The following ACTR3C variants were observed in gnomAD, a reference collection of about 807,000 sequenced individuals.
The protein encoded by ACTR3C is actin related protein 3C, also known as actin-related protein 3C.
ACTR3C carries 18 observed loss-of-function variants against 26.3 expected under a neutral mutation model. The ratio of observed to expected loss-of-function variants is 0.68; its 90% CI spans 0.47 to 1.01. The LOEUF (loss-of-function observed/expected upper bound fraction) is 1.01. Among genes scored for constraint, ACTR3C ranks in the 50% least tolerant of loss-of-function variants. ACTR3C has a pLI of 0.00. For missense variants in ACTR3C, 184 were observed against 250.7 expected (o/e 0.73, Z 1.80); for synonymous variants, 55 against 94.5 (o/e 0.58, Z 2.42).
At chr7:150,118,951 A>G in the ACTR3C span, among the ~76,000 whole-genome samples, 1 of 151,616 alleles carries the variant, frequency 6.6e-6, no homozygotes, top group Non-Finnish European at 1.5e-5. Flanking sequence ...AAAAAAAAAA[A>G]AAAACTCAAC....
chr7:150,003,534 G>A, the ACTR3C span, among the ~76,000 whole-genome samples: 1 of 151,726 alleles, frequency 6.6e-6, no homozygotes. Flanking sequence ...TGTGGTATGT[G>A]GTATGTGCTG....
chr7:150,041,626 C>CG, the ACTR3C span, among the ~76,000 whole-genome samples: 3 of 84,918 alleles, frequency 3.5e-5, no homozygotes, highest in South Asian at 4.0e-4. Context: ...CCCTGCCTCG[C>CG]GGGGGGTGCC....
the ACTR3C span, among the ~76,000 whole-genome samples, chr7:149,989,991 C>T: frequency 6.6e-6 from 1 of 152,082 alleles, no homozygotes; most frequent in Admixed American, 6.6e-5. Context: ...TCTGCACTCC[C>T]CTGCTTGAAA....
chr7:150,298,872 G>A (rs1795164179), intron 1 of ACTR3C, among the ~76,000 whole-genome samples: 1 of 148,258 alleles, frequency 6.7e-6, no homozygotes, highest in African/African-American at 2.5e-5. Flanking sequence ...ACTCTATGAA[G>A]AAACAATCTC....
Position 150,293,396 on chromosome 7 carries a change from A to G in ACTR3C, c.69T>C (p.Ser23=), listed in dbSNP as rs2129613229. Residue 23 remains serine, a synonymous_variant, in exon 3 of 8, where the codon TCT becomes TCC. Transcript: ENST00000683684. ...AVQAVLALAA[S]WTSRQVGERT... ...GTTCACCCACTTGTCGAGATGTCCA[A>G]GATGCCGCCAAGGCCAGCACTGCCT... 2 of 1,602,342 alleles carry G rather than the reference A, an allele frequency of 1.2e-6. No homozygotes were observed. Among genetic ancestry groups the G allele is most frequent in the South Asian group, 2.3e-5 (2 of 88,832 alleles).
At chr7:150,217,228 A>G in the ACTR3C span, among the ~76,000 whole-genome samples, 1 of 150,668 alleles carries the variant, frequency 6.6e-6, no homozygotes, top group Non-Finnish European at 1.5e-5. Context: ...TAAGCAACTT[A>G]TCCAAAATGA....
At chr7:150,111,567 GAC>G in the ACTR3C span, among the ~76,000 whole-genome samples, 7 of 86,354 alleles carry the variant, frequency 8.1e-5, 1 homozygote, top group Admixed American at 8.3e-4. Flanking sequence ...CACTCACAGT[GAC>G]ACACACTGTG....
the ACTR3C span, among the ~76,000 whole-genome samples, chr7:149,926,692 G>A: frequency 6.6e-6 from 1 of 152,050 alleles, no homozygotes. Context: ...CTTTTCCCTT[G>A]GCTGTTTTTG....
chr7:150,264,292 G>A (rs1359672585), intron 6 of ACTR3C, among the ~76,000 whole-genome samples: 1 of 152,224 alleles, frequency 6.6e-6, no homozygotes, highest in Non-Finnish European at 1.5e-5. Context: ...GCTCCTTGCG[G>A]TCAGCACTGT....
At chr7:150,126,468 A>G in the ACTR3C span, among the ~76,000 whole-genome samples, 1 of 152,226 alleles carries the variant, frequency 6.6e-6, no homozygotes, top group Non-Finnish European at 1.5e-5. Context: ...ATGAAGCTCC[A>G]TGGTCACAAT....
At chr7:149,898,559 C>T in the ACTR3C span, among the ~76,000 whole-genome samples, 2 of 151,516 alleles carry the variant, frequency 1.3e-5, no homozygotes. Flanking sequence ...CAAAAATTAG[C>T]TGGGCATGGT....
chr7:150,129,461 G>C, the ACTR3C span, among the ~76,000 whole-genome samples: 3 of 152,126 alleles, frequency 2.0e-5, no homozygotes, highest in African/African-American at 7.2e-5. Flanking sequence ...TTGATTTGCA[G>C]ATAAAATGAA....
chr7:149,918,868 T>A, the ACTR3C span, among the ~76,000 whole-genome samples: 1 of 152,200 alleles, frequency 6.6e-6, no homozygotes, highest in Non-Finnish European at 1.5e-5. Flanking sequence ...ACACACTCCC[T>A]AGATCCTTAA....
the ACTR3C span, among the ~76,000 whole-genome samples, chr7:150,021,747 AC>A: frequency 6.6e-6 from 1 of 151,344 alleles, no homozygotes; most frequent in African/African-American, 2.4e-5. Flanking sequence ...GAGTTACTTC[AC>A]TTAGAATAAT....
the ACTR3C span, among the ~76,000 whole-genome samples, chr7:149,886,030 C>T: frequency 1.3e-5 from 2 of 152,230 alleles, no homozygotes; most frequent in African/African-American, 4.8e-5. Context: ...ATTAGTAGCA[C>T]CTGCCTCATA....
chr7:150,069,847 T>G, the ACTR3C span, among the ~76,000 whole-genome samples: 1 of 152,066 alleles, frequency 6.6e-6, no homozygotes, highest in African/African-American at 2.4e-5. Context: ...GGGGTAGATG[T>G]TGGCAGCAGA....
Position 150,293,267 on chromosome 7 carries a change from A to G in ACTR3C, c.153+45T>C, listed in dbSNP as rs758370895. The G allele has an allele frequency of 2.0e-6, 3 of 1,522,942 alleles. No individual in the cohort carries two copies. The South Asian group carries it at 3.8e-5, about 19-fold the overall frequency. The allele number at this position is 1,522,942 out of a possible 1,614,324, so 94.3% of individuals were successfully genotyped here. A position where few individuals can be genotyped will look rare whatever the true frequency, so the allele number is the denominator to read the frequency against. ...TTAATTTCCATCCTTACCTCGAATC[A>G]GGTGTTAAGCCTACAGAGACTTATA... On this transcript the variant is annotated intron_variant, in intron 3 of 7. Transcript: ENST00000683684.
chr7:150,185,841 C>T, the ACTR3C span, among the ~76,000 whole-genome samples: 3 of 152,124 alleles, frequency 2.0e-5, no homozygotes, highest in Non-Finnish European at 2.9e-5. Flanking sequence ...CTGTTCCTTA[C>T]GGGGCCCAGC....
chr7:150,114,455 C>A, the ACTR3C span, among the ~76,000 whole-genome samples: 1 of 150,624 alleles, frequency 6.6e-6, no homozygotes, highest in Non-Finnish European at 1.5e-5. Flanking sequence ...GAACAGGTCT[C>A]GGTAGGAGTT....
Sources: gnomAD v4.1 joint callset for allele counts (sites outside exome capture counted in the v4.1 genomes callset) on GRCh38, gnomAD v4.1.1 for gene constraint, MANE v1.5 for transcripts, NCBI Gene and HGNC (gene_info 2026-07-23, HGNC 2026-07-21) for gene names.